The following LARS2 variants were observed in gnomAD, a reference collection of about 807,000 sequenced individuals.
LARS2 encodes leucyl-tRNA synthetase 2, mitochondrial.
A neutral mutation model predicts 116.6 loss-of-function variants in LARS2; 81 were observed. The observed-to-expected ratio is 0.69, with a 90% CI of 0.58 to 0.84. The LOEUF is 0.84. LARS2 is among the 40% of genes least tolerant of loss of function. LARS2 has a pLI of 0.00. For missense variants in LARS2, 968 were observed against 1,114.5 expected (o/e 0.87, Z 1.87); for synonymous variants, 396 against 407.2 (o/e 0.97, Z 0.33).
intron 16 of LARS2, among the ~76,000 whole-genome samples, chr3:45,515,323 G>C (rs976613682): frequency 6.6e-6 from 1 of 152,180 alleles, no homozygotes; most frequent in Non-Finnish European, 1.5e-5. Context: ...TAGCTGCAGT[G>C]GCAAGTCTTG....
At chr3:45,499,030 A>G (rs1700070947) in intron 14 of LARS2, among the ~76,000 whole-genome samples, 1 of 152,228 alleles carries the variant, frequency 6.6e-6, no homozygotes. Context: ...ACAGTGGCTC[A>G]CATGTGTAAT....
chr3:45,474,434 G>A, intron 9 of LARS2, 84 bp downstream of exon 9: 1 of 772,788 alleles, frequency 1.3e-6, no homozygotes, highest in Non-Finnish European at 2.1e-6. Flanking sequence ...CAGCAACTTG[G>A]GACTCCACAG....
chr3:45,547,471 A>G lies in LARS2; in HGVS notation c.2653A>G (p.Ile885Val), dbSNP rs1361661008. Residue 885 changes from isoleucine to valine, a missense_variant, in exon 22 of 22, where the codon ATC (isoleucine) becomes GTC (valine). By Grantham distance (29) the Ile-to-Val change is conservative. Transcript: ENST00000645846. The stretch of plus-strand genomic sequence containing the variant: ...TGTCAGGCTTTTGCAAGGACGAAGC[A>G]TCAAGAAGTCCTTCCTTTCCCCGAG... ...LGVRLLQGRSIKKSFLSPRTA... is the reference protein window; with the variant it reads ...LGVRLLQGRSVKKSFLSPRTA... 6.2e-7 allele frequency: 1 copy of G among 1,613,780 alleles called. No homozygotes were observed.
At chr3:45,493,426 G>A (rs547966668) in intron 13 of LARS2, among the ~76,000 whole-genome samples, 4 of 152,152 alleles carry the variant, frequency 2.6e-5, no homozygotes, top group Non-Finnish European at 5.9e-5. Flanking sequence ...AGCATCCAAG[G>A]CTGAGAGCTA....
chr3:45,475,261 C>T (rs867728409), intron 9 of LARS2, among the ~76,000 whole-genome samples: 3 of 152,186 alleles, frequency 2.0e-5, no homozygotes, highest in South Asian at 2.1e-4. Flanking sequence ...AAGCACCTGC[C>T]GCTTGCCACT....
chr3:45,490,872 C>G (rs1699903194), intron 12 of LARS2, among the ~76,000 whole-genome samples: 2 of 152,204 alleles, frequency 1.3e-5, no homozygotes. Context: ...CTCTTTTGTA[C>G]TGTTAGTGGT....
intron 6 of LARS2, among the ~76,000 whole-genome samples, chr3:45,434,384 G>A (rs752861556): frequency 6.6e-5 from 10 of 152,244 alleles, no homozygotes; most frequent in Non-Finnish European, 8.8e-5. Flanking sequence ...CCCATCTACT[G>A]AGCTTTTATT....
At chr3:45,462,257 T>C (rs1361877213) in intron 8 of LARS2, among the ~76,000 whole-genome samples, 6 of 152,200 alleles carry the variant, frequency 3.9e-5, no homozygotes, top group East Asian at 1.9e-4. Flanking sequence ...AGATGGTTGC[T>C]GCAGCTCCAG....
intron 8 of LARS2, among the ~76,000 whole-genome samples, chr3:45,468,487 T>C (rs1559478949): frequency 6.6e-6 from 1 of 152,220 alleles, no homozygotes; most frequent in Non-Finnish European, 1.5e-5. Context: ...CTCTCTCTTA[T>C]CTTGTAGACC....
chr3:45,404,280 T>G (rs998805436), intron 4 of LARS2, among the ~76,000 whole-genome samples: 1 of 152,220 alleles, frequency 6.6e-6, no homozygotes, highest in Admixed American at 6.5e-5. Context: ...GAAATTAATT[T>G]CTTATTAATT....
chr3:45,492,732 C>T lies in LARS2; in HGVS notation c.1523+932C>T, dbSNP rs181739497. Among the ~76,000 whole-genome samples, 179 of 152,314 alleles carry T rather than the reference C, an allele frequency of 1.2e-3. 3 individuals are homozygous for T. Among genetic ancestry groups the T allele is most frequent in the African/African-American group, 3.9e-3 (163 of 41,578 alleles). Reference sequence around the variant, plus strand: ...GCTTTTCAGAAGACTAGAATTAACACATGTGATCCTGCACAGTGATACCTT... The same window carrying T: ...GCTTTTCAGAAGACTAGAATTAACATATGTGATCCTGCACAGTGATACCTT... On this transcript the variant is annotated intron_variant, in intron 13 of 21. Coordinates refer to ENST00000645846, the MANE Select transcript of LARS2 (RefSeq NM_015340.4).
intron 20 of LARS2, 74 bp downstream of exon 20, chr3:45,524,182 C>A (rs938640558): frequency 1.0e-6 from 1 of 987,582 alleles, no homozygotes. Context: ...GAACATCATT[C>A]GGGACTCAGA....
At chr3:45,420,701 G>A (rs916780478) in intron 6 of LARS2, among the ~76,000 whole-genome samples, 3 of 152,084 alleles carry the variant, frequency 2.0e-5, no homozygotes, top group African/African-American at 7.2e-5. Flanking sequence ...AATGAAATAC[G>A]GTCACAGGCA....
At chr3:45,511,777 TTTTTTTTTTTTTTTTTTGGAGAC>T (rs1185139300) in intron 15 of LARS2, among the ~76,000 whole-genome samples, 1 of 139,484 alleles carries the variant, frequency 7.2e-6, no homozygotes, top group Non-Finnish European at 1.6e-5. Flanking sequence ...GCTGATTTTT[TTTTTTTTTTTTTTTTTTGGAGAC>T]AGAGTCTCGC....
intron 3 of LARS2, among the ~76,000 whole-genome samples, chr3:45,395,059 A>G (rs1359777384): frequency 6.6e-6 from 1 of 152,228 alleles, no homozygotes; most frequent in African/African-American, 2.4e-5. Flanking sequence ...GCTCTACCAG[A>G]TGATGGGTCC....
chr3:45,433,776 G>T (rs1436525981), intron 6 of LARS2, among the ~76,000 whole-genome samples: 2 of 152,016 alleles, frequency 1.3e-5, no homozygotes, highest in African/African-American at 4.8e-5. Context: ...TTCCTTTAGA[G>T]TAGACCTGCT....
chr3:45,400,353 CAGA>C lies in LARS2; in HGVS notation c.347_349del (p.Lys116del). The C allele has an allele frequency of 6.2e-7, 1 of 1,611,124 alleles. No individual in the cohort carries two copies. Among genetic ancestry groups the C allele is most frequent in the East Asian group, 2.2e-5 (1 of 44,808 alleles). On this transcript the variant is annotated inframe_deletion, in exon 4 of 22. Coordinates refer to ENST00000645846, the MANE Select transcript of LARS2 (RefSeq NM_015340.4). ...CATCAGCGACACCATAGCACGGTTC[CAGA>C]AGATGAGAGGGATGCAGGTAAGAAC...
rs541177613 is a variant in LARS2, at chr3:45,440,672, G to A, written c.517-6219G>A. Among the ~76,000 whole-genome samples the A allele has an allele frequency of 1.1e-3, 163 of 152,288 alleles. 5 individuals carry two copies. The South Asian group carries it at 0.02, about 19-fold the overall frequency. On this transcript the variant is annotated intron_variant, in intron 6 of 21. Transcript: ENST00000645846. The stretch of plus-strand genomic sequence containing the variant: ...AATACATGACAGCTTTGAATGAGCT[G>A]TTCTGAAATCTAGGGCCATCACTGT...
At chr3:45,463,271 C>G (rs902165298) in intron 8 of LARS2, among the ~76,000 whole-genome samples, 1 of 152,262 alleles carries the variant, frequency 6.6e-6, no homozygotes, top group East Asian at 1.9e-4. Context: ...CCGCTGGCCC[C>G]TCTCGGCTGC....
Sources: gnomAD v4.1 joint callset for allele counts (sites outside exome capture counted in the v4.1 genomes callset) on GRCh38, gnomAD v4.1.1 for gene constraint, MANE v1.5 for transcripts, NCBI Gene and HGNC (gene_info 2026-07-23, HGNC 2026-07-21) for gene names.